The following KANK1 variants were observed in gnomAD, a reference collection of about 807,000 sequenced individuals.
KANK1 encodes the protein KN motif and ankyrin repeat domains 1.
In KANK1, 109 loss-of-function variants were observed where a neutral mutation model predicts 106.2. The observed-to-expected ratio is 1.03, with a 90% CI of 0.88 to 1.20. KANK1 has a LOEUF of 1.20. KANK1 is among the 50% of genes most tolerant of loss of function. The probability of loss-of-function intolerance (pLI) is 0.00; values close to 1 mark genes in which losing one functional copy is unlikely to be tolerated. For missense variants in KANK1, 2,399 were observed against 1,710.7 expected, an observed-to-expected ratio of 1.40 and a Z score of -7.10; for synonymous variants, 873 against 652.2, an observed-to-expected ratio of 1.34 and a Z score of -5.16.
rs964544245 is a variant in KANK1, at chr9:744,746, C to A, written c.3996+157C>A. On this transcript the variant is annotated intron_variant, in intron 11 of 11. Coordinates refer to ENST00000382297, the MANE Select transcript of KANK1 (RefSeq NM_015158.5). ...AGAGTTCATCCTTTCCGCCTCCACC[C>A]CGCAAAAAGCAGGAGAACTAATGTT... 2.6e-6 allele frequency: 4 copies of A among 1,511,788 alleles called. 1 individual carries two copies. Among genetic ancestry groups the A allele is most frequent in the Non-Finnish European group, 1.8e-6 (2 of 1,127,878 alleles). 93.6% of individuals were successfully genotyped at this position (1,511,788 alleles called of 1,614,324 possible).
At position 734,838 on chromosome 9, in the gene KANK1, G is replaced by T. The variant is rs760027207; in HGVS notation, c.3333+3G>T. On this transcript the variant is annotated splice_donor_region_variant and intron_variant, in intron 7 of 11. Transcript: ENST00000382297. ...AAGCTTTGACCAGCAAAGATATGGT[G>T]AGTCTGACCTGCAAACACCATCCCC... 4.4e-6 allele frequency: 7 copies of T among 1,608,698 alleles called. No homozygotes were observed. In the Admixed American group the frequency reaches 5.0e-5, roughly 11 times the overall value.
At chr9:507,354 C>A (rs187139387) in intron 1 of KANK1, among the ~76,000 whole-genome samples, 1 of 151,968 alleles carries the variant, frequency 6.6e-6, no homozygotes, top group East Asian at 1.9e-4. Context: ...TATCCTCTCT[C>A]AAAACAAGAT....
chr9:489,773 AT>A (rs1315107275), intron 3 of KANK1, among the ~76,000 whole-genome samples: 1 of 152,238 alleles, frequency 6.6e-6, no homozygotes, highest in African/African-American at 2.4e-5. Flanking sequence ...TTGAAGAAAA[AT>A]AATAGTATCA....
intron 1 of KANK1, among the ~76,000 whole-genome samples, chr9:574,869 AAG>A (rs1404272327): frequency 6.3e-4 from 95 of 151,732 alleles, no homozygotes; most frequent in African/African-American, 2.2e-3. Flanking sequence ...AAAAAAAAAA[AAG>A]AAAAAAAATA....
upstream of KANK1, among the ~76,000 whole-genome samples, chr9:503,354 G>C (rs1209926080): frequency 6.6e-6 from 1 of 152,186 alleles, no homozygotes; most frequent in Non-Finnish European, 1.5e-5. Flanking sequence ...CTGCCACCCA[G>C]TGAGCTGGCA....
chr9:582,960 G>A (rs1012769307), intron 1 of KANK1, among the ~76,000 whole-genome samples: 12 of 152,224 alleles, frequency 7.9e-5, no homozygotes, highest in Admixed American at 2.6e-4. Context: ...GACTGATAAT[G>A]TAGCCTTGGC....
At chr9:690,993 A>G (rs189212773) in intron 2 of KANK1, among the ~76,000 whole-genome samples, 97 of 152,294 alleles carry the variant, frequency 6.4e-4, no homozygotes, top group African/African-American at 2.2e-3. Context: ...CTTTGTATGT[A>G]TATTGAAAGA....
In KANK1 at chr9:532,742, G is replaced by T. The variant is rs1024694267; in HGVS notation, c.-84+27988G>T. The stretch of plus-strand genomic sequence containing the variant: ...TTTATCACTGTTTTTGGAATATCTT[G>T]GAAGTGCGTAAAACTGCTTCAGTTT... On this transcript the variant is annotated intron_variant, in intron 1 of 11. Coordinates refer to ENST00000382297, the MANE Select transcript of KANK1 (RefSeq NM_015158.5). Among the ~76,000 whole-genome samples the T allele has an allele frequency of 6.6e-5, 10 of 152,196 alleles. No individual in the cohort carries two copies. The East Asian group carries it at 1.9e-3, about 29-fold the overall frequency.
chr9:631,861 G>T (rs1835826091), intron 1 of KANK1, among the ~76,000 whole-genome samples: 1 of 152,188 alleles, frequency 6.6e-6, no homozygotes. Flanking sequence ...CATTTCAGGG[G>T]TGGTGTCCTC....
At position 712,932 on chromosome 9, in the gene KANK1, C is replaced by T. The variant is rs770528949; in HGVS notation, c.2166C>T (p.Gly722=). 14 of 1,614,118 alleles carry T rather than the reference C, an allele frequency of 8.7e-6. No homozygotes were observed. The highest frequency in any genetic ancestry group is 6.6e-5 in the South Asian group (6 of 91,060). The part of the protein sequence containing the change: ...VETRTVAVGE[G]RVKDINSSTK... The stretch of plus-strand genomic sequence containing the variant: ...CGCGGACAGTAGCTGTAGGAGAAGG[C>T]CGTGTCAAGGACATCAACTCCTCCA... Residue 722 remains glycine (G), a synonymous_variant, in exon 3 of 12, where the codon GGC becomes GGT. Transcript: ENST00000382297.
chr9:722,073 C>T (rs575971610), intron 3 of KANK1, among the ~76,000 whole-genome samples: 1 of 152,212 alleles, frequency 6.6e-6, no homozygotes, highest in African/African-American at 2.4e-5. Flanking sequence ...CTCCGTCTTA[C>T]TTCTGACCTC....
In KANK1 at chr9:712,039, G is replaced by A. The variant is rs745453738; in HGVS notation, c.1273G>A (p.Ala425Thr). Residue 425 changes from alanine to threonine, a missense_variant, in exon 3 of 12, where the codon GCA becomes ACA. Coordinates refer to ENST00000382297, the MANE Select transcript of KANK1 (RefSeq NM_015158.5). ...YHRGSRSCKDAAVGTLVEMRN... is the reference protein window; with the variant it reads ...YHRGSRSCKDTAVGTLVEMRN... ...CAGAGGCTCCAGGTCCTGTAAGGATGCAGCTGTAGGGACACTTGTTGAGAT... is the reference window on the plus strand; with the variant it reads ...CAGAGGCTCCAGGTCCTGTAAGGATACAGCTGTAGGGACACTTGTTGAGAT... 2 of 1,614,086 alleles carry A rather than the reference G, an allele frequency of 1.2e-6. No individual in the cohort carries two copies. The highest frequency in any genetic ancestry group is 2.7e-5 in the African/African-American group (2 of 74,920).
intron 3 of KANK1, among the ~76,000 whole-genome samples, chr9:474,618 T>C (rs2058074610): frequency 6.6e-6 from 1 of 152,142 alleles, no homozygotes; most frequent in Non-Finnish European, 1.5e-5. Flanking sequence ...ATGTGTGTAA[T>C]TTCTATGCCT....
intron 3 of KANK1, among the ~76,000 whole-genome samples, chr9:498,018 C>G (rs1248145179): frequency 6.6e-6 from 1 of 152,152 alleles, no homozygotes; most frequent in Non-Finnish European, 1.5e-5. Context: ...CTGCCATATA[C>G]CCTCTTAGGC....
At chr9:499,253 G>A (rs2058509560) in intron 3 of KANK1, among the ~76,000 whole-genome samples, 1 of 151,652 alleles carries the variant, frequency 6.6e-6, no homozygotes, top group Admixed American at 6.6e-5. Flanking sequence ...ACCTAAGAGA[G>A]AGGAAAACAT....
chr9:745,134 C>CTTA, intron 11 of KANK1, 39 bp from the exon 12 acceptor site: 1 of 1,610,334 alleles, frequency 6.2e-7, no homozygotes, highest in Non-Finnish European at 8.5e-7. Context: ...CCTGAGGTCA[C>CTTA]TTATTAACCC....
At chr9:623,959 A>G (rs1237818736) in intron 1 of KANK1, among the ~76,000 whole-genome samples, 1 of 151,562 alleles carries the variant, frequency 6.6e-6, no homozygotes, top group Non-Finnish European at 1.5e-5. Flanking sequence ...TCACAATAGC[A>G]AAGATATGGA....
chr9:471,759 T>G (rs555790829), intron 2 of KANK1, among the ~76,000 whole-genome samples: 105 of 152,276 alleles, frequency 6.9e-4, no homozygotes, highest in Non-Finnish European at 1.0e-3. Flanking sequence ...CCAGGCATGG[T>G]GGTGCATACT....
chr9:726,733 G>A (rs994391062), intron 3 of KANK1, among the ~76,000 whole-genome samples: 6 of 152,014 alleles, frequency 3.9e-5, no homozygotes, highest in African/African-American at 1.4e-4. Context: ...GTCAAGGCGG[G>A]CAGATTTCCT....
Sources: allele counts gnomAD v4.1 joint callset (sites outside exome capture counted in the v4.1 genomes callset), GRCh38; gene constraint gnomAD v4.1.1; transcripts MANE v1.5; gene names NCBI Gene and HGNC (gene_info 2026-07-23, HGNC 2026-07-21).